The following RADIL variants were observed in gnomAD, a reference collection of about 807,000 sequenced individuals.
RADIL encodes Rap associating with DIL domain, also known as ras-associating and dilute domain-containing protein.
RADIL carries 99 observed loss-of-function variants against 97.6 expected under a neutral mutation model. The ratio of observed to expected loss-of-function variants is 1.01; its 90% confidence interval spans 0.86 to 1.20. RADIL has a LOEUF of 1.20. Among genes scored for constraint, RADIL ranks in the 50% most tolerant of loss-of-function variants. RADIL has a pLI of 0.00. For synonymous variants in RADIL, 803 were observed against 691.8 expected, an observed-to-expected ratio of 1.16 and a Z score of -2.52; for missense variants, 1,765 against 1,498.9, an observed-to-expected ratio of 1.18 and a Z score of -2.93.
intron 5 of RADIL, among the ~76,000 whole-genome samples, chr7:4,823,632 G>GCAT (rs1323912416): frequency 6.6e-6 from 1 of 152,176 alleles, no homozygotes; most frequent in Admixed American, 6.5e-5. Context: ...GGGGATGACG[G>GCAT]CATCATCAGG....
At chr7:4,848,227 A>AAT (rs1194412390) in intron 2 of RADIL, among the ~76,000 whole-genome samples, 88 of 151,828 alleles carry the variant, frequency 5.8e-4, no homozygotes, top group African/African-American at 2.1e-3. Context: ...AAAAAAAAAA[A>AAT]AAAATTGCTA....
Position 4,878,227 on chromosome 7 carries a change from T to G in RADIL, c.-64-24A>C. 16 of 1,323,626 alleles carry G rather than the reference T, an allele frequency of 1.2e-5. No homozygotes were observed. The highest frequency in any genetic ancestry group is 1.5e-5 in the African/African-American group (1 of 67,190). 82.0% of individuals were successfully genotyped at this position (1,323,626 alleles called of 1,614,324 possible). ...ACCTGGGTGAAAAAGTGAGAGAGGT[T>G]AGCGCCAACCATCGTGACCACCAAG... On this transcript the variant is annotated intron_variant, in intron 1 of 14. Transcript: ENST00000399583. The surrounding 1 kb of genome is among the most constrained non-coding windows in gnomAD (Gnocchi z 4.1).
At chr7:4,864,351 C>T (rs1345004467) in intron 2 of RADIL, among the ~76,000 whole-genome samples, 1 of 152,208 alleles carries the variant, frequency 6.6e-6, no homozygotes, top group Non-Finnish European at 1.5e-5. Context: ...CTCCAGTTTC[C>T]ATTCTAAGCC....
In RADIL at chr7:4,813,074, TTCTC is replaced by T. The variant is rs201029653; in HGVS notation, c.2139+2200_2139+2203del. On this transcript the variant is annotated intron_variant, in intron 9 of 14. Coordinates refer to ENST00000399583, the MANE Select transcript of RADIL (RefSeq NM_018059.5). This position sits in a 1 kb window ranked among gnomAD's most constrained non-coding sequence, Gnocchi z 5.0. ...TTCATCCTTACCCCAAGGTTCTTCT[TTCTC>T]TCTCTCTCTCTCTCTCTCTCTCTTT... 0.044 allele frequency among the ~76,000 whole-genome samples: 6,467 copies of T among 147,726 alleles called. 417 individuals carry two copies. The highest frequency in any genetic ancestry group is 0.14 in the African/African-American group (5,759 of 39,828).
rs1783454876 is a variant in RADIL, at chr7:4,842,160, C to CTTTCCCA, written c.536-5556_536-5555insTGGGAAA. ...GCCTGCCTGGTCATGAAATGTCTGC[C>CTTTCCCA]TTTGACAATGGGATAGAAGGAGTAG... is the stretch of plus-strand genomic sequence containing the variant. On this transcript the variant is annotated intron_variant, in intron 2 of 14. Coordinates refer to ENST00000399583, the MANE Select transcript of RADIL (RefSeq NM_018059.5). The surrounding 1 kb of genome is among the most constrained non-coding windows in gnomAD (Gnocchi z 4.5). Among the ~76,000 whole-genome samples, 1 of 152,050 alleles carries CTTTCCCA rather than the reference C, an allele frequency of 6.6e-6. No individual in the cohort carries two copies. Among genetic ancestry groups the CTTTCCCA allele is most frequent in the South Asian group, 2.1e-4 (1 of 4,822 alleles).
Position 4,878,164 on chromosome 7 carries a change from G to T in RADIL, c.-25C>A, listed in dbSNP as rs1396199445. On this transcript the variant is annotated 5_prime_UTR_variant, in exon 2 of 15. Transcript: ENST00000399583. This position sits in a 1 kb window ranked among gnomAD's most constrained non-coding sequence, Gnocchi z 4.1. ...TGGTGGGTGAGGCTTCATGGATGAG[G>T]ACTGTGGGCTTCAGCCAAAGGATGT... is the stretch of plus-strand genomic sequence containing the variant. 1.3e-6 allele frequency: 2 copies of T among 1,505,352 alleles called. No individual in the cohort carries two copies. The highest frequency in any genetic ancestry group is 2.4e-5 in the East Asian group (1 of 40,916). 93.2% of individuals were successfully genotyped at this position (1,505,352 alleles called of 1,614,324 possible). A position where few individuals can be genotyped will look rare whatever the true frequency, so the allele number is the denominator to read the frequency against.
At chr7:4,803,971 G>T (rs575729810) in intron 10 of RADIL, 6 of 648,268 alleles carry the variant, frequency 9.3e-6, no homozygotes, top group Non-Finnish European at 1.4e-5. Flanking sequence ...TGTGACATCC[G>T]AGCAGTTCAG....
At position 4,854,958 on chromosome 7, in the gene RADIL, T is replaced by C. The variant is rs1353518922; in HGVS notation, c.536-18353A>G. Among the ~76,000 whole-genome samples, 1 of 152,202 alleles carries C rather than the reference T, an allele frequency of 6.6e-6. No individual in the cohort carries two copies. The highest frequency in any genetic ancestry group is 1.9e-4 in the East Asian group (1 of 5,200). ...GTTTAACATGGCCTTTTTTCATTTA[T>C]AGTTACACCACACATTTTTGGAACC... On this transcript the variant is annotated intron_variant, in intron 2 of 14. Transcript: ENST00000399583. This position sits in a 1 kb window ranked among gnomAD's most constrained non-coding sequence, Gnocchi z 5.1.
Position 4,811,556 on chromosome 7 carries a change from C to T in RADIL, c.2139+3722G>A, listed in dbSNP as rs544053650. Reference sequence around the variant, plus strand: ...AGGCTGGAGTGCAGTGGCGCAATCTCGGCTCACTGCAAGCTCCGCCTCCCG... The same window carrying T: ...AGGCTGGAGTGCAGTGGCGCAATCTTGGCTCACTGCAAGCTCCGCCTCCCG... On this transcript the variant is annotated intron_variant, in intron 9 of 14. Transcript: ENST00000399583. Among the ~76,000 whole-genome samples the T allele has an allele frequency of 1.7e-4, 22 of 132,192 alleles. No homozygotes were observed. The South Asian group carries it at 4.8e-3, about 29-fold the overall frequency. The allele number at this position is 132,192 out of a possible 152,430, so 86.7% of individuals were successfully genotyped here.
chr7:4,800,146 G>A (rs148833448), intron 13 of RADIL, 25 bp downstream of exon 13: 29,569 of 1,592,492 alleles, frequency 0.019, 376 homozygotes, highest in Middle Eastern at 0.043. Flanking sequence ...GTATGGGGGT[G>A]CGGCGAGGGT....
intron 12 of RADIL, among the ~76,000 whole-genome samples, chr7:4,801,086 A>C (rs909151530): frequency 6.6e-6 from 1 of 151,056 alleles, no homozygotes; most frequent in African/African-American, 2.4e-5. Context: ...ACGTGCACTT[A>C]CACCCATGCA....
rs1367256667 is a variant in RADIL at position 4,879,034 on chromosome 7, C to T, written c.-64-831G>A. Among the ~76,000 whole-genome samples, 1 of 152,250 alleles carries T rather than the reference C, an allele frequency of 6.6e-6. No homozygotes were observed. The highest frequency in any genetic ancestry group is 1.5e-5 in the Non-Finnish European group (1 of 68,046). On this transcript the variant is annotated intron_variant, in intron 1 of 14. Transcript: ENST00000399583. This position sits in a 1 kb window ranked among gnomAD's most constrained non-coding sequence, Gnocchi z 4.1. ...AGAATCTACCCCTCAGGGCAAGAGA[C>T]CCGTCCTGGCTTGAAGGAGATACTC...
Position 4,805,366 on chromosome 7 carries a change from G to A in RADIL, c.2290+200C>T, listed in dbSNP as rs550304640. ...GGACTCTCGGCTCCTTGACTCCCCC[G>A]CCGAGGAGGTCCCCGGATCCCCAGG... On this transcript the variant is annotated intron_variant, in intron 10 of 14. Coordinates refer to ENST00000399583, the MANE Select transcript of RADIL (RefSeq NM_018059.5). The A allele has an allele frequency of 1.4e-4, 79 of 551,820 alleles. No individual in the cohort carries two copies. In the East Asian group the frequency reaches 1.6e-3, roughly 11 times the overall value. The allele number at this position is 551,820 out of a possible 1,614,324, so 34.2% of individuals were successfully genotyped here.
At chr7:4,803,885 G>T in intron 10 of RADIL, 131 bp from the exon 11 acceptor site, 3 of 839,062 alleles carry the variant, frequency 3.6e-6, no homozygotes, top group Non-Finnish European at 5.9e-6. Context: ...TGTGGACACA[G>T]GAGGCTGGGA....
chr7:4,807,986 CCTGT>C (rs139392754), intron 9 of RADIL, among the ~76,000 whole-genome samples: 2,659 of 66,918 alleles, frequency 0.04, 107 homozygotes, highest in East Asian at 0.058. Context: ...TCCCTCTCTC[CCTGT>C]CTCTCTCCCC....
intron 12 of RADIL, among the ~76,000 whole-genome samples, chr7:4,800,622 T>G (rs1444974096): frequency 6.6e-6 from 1 of 152,044 alleles, no homozygotes; most frequent in African/African-American, 2.4e-5. Flanking sequence ...TGCCACCTCC[T>G]CAGCAATCTC....
chr7:4,805,647 G>C lies in RADIL; in HGVS notation c.2209C>G (p.His737Asp), dbSNP rs1782281686. The C allele has an allele frequency of 6.2e-7, 1 of 1,611,838 alleles. No homozygotes were observed. Among genetic ancestry groups the C allele is most frequent in the African/African-American group, 1.3e-5 (1 of 75,070 alleles). Residue 737 changes from histidine to aspartate, a missense_variant, in exon 10 of 15, where the codon CAC becomes GAC. By Grantham distance (81) the His-to-Asp change is moderately conservative (BLOSUM62 -1). Coordinates refer to ENST00000399583, the MANE Select transcript of RADIL (RefSeq NM_018059.5). ...SPAQLHRLLT[H>D]YQLASAMGPM... ...CCCATGGCCGAGGCCAGCTGGTAGT[G>C]AGTCAGCAGCCGGTGCAGCTGTGCT... is the stretch of plus-strand genomic sequence containing the variant.
At chr7:4,866,127 T>C (rs1156855782) in intron 2 of RADIL, among the ~76,000 whole-genome samples, 2 of 152,128 alleles carry the variant, frequency 1.3e-5, no homozygotes, top group Admixed American at 1.3e-4. Flanking sequence ...TCTGTGTGTG[T>C]GCGTGTGCAT....
rs1302043472 is a variant in RADIL, at chr7:4,799,189, T to A, written c.*189A>T. 3.0e-5 allele frequency: 18 copies of A among 592,724 alleles called. No individual in the cohort carries two copies. Among genetic ancestry groups the A allele is most frequent in the South Asian group, 6.0e-5 (3 of 49,868 alleles). 36.7% of individuals were successfully genotyped at this position (592,724 alleles called of 1,614,324 possible). On this transcript the variant is annotated 3_prime_UTR_variant, in exon 15 of 15. Coordinates refer to ENST00000399583, the MANE Select transcript of RADIL (RefSeq NM_018059.5). ...AAGCTCTGTAACAAACATCACAATT[T>A]CACGTCATCTGCCATATAAATAGAA...
Sources: allele counts gnomAD v4.1 joint callset (sites outside exome capture counted in the v4.1 genomes callset), GRCh38; gene constraint gnomAD v4.1.1; non-coding constraint Gnocchi (gnomAD v3.1); transcripts MANE v1.5; gene names NCBI Gene and HGNC (gene_info 2026-07-23, HGNC 2026-07-21).